PKNOX2: variants seen among roughly 807,000 people sequenced by gnomAD.
The protein encoded by PKNOX2 is PBX/knotted 1 homeobox 2, also known as homeobox protein PKNOX2.
PKNOX2 carries 14 observed loss-of-function variants against 53.1 expected under a neutral mutation model. The ratio of observed to expected loss-of-function variants is 0.26; its 90% CI spans 0.17 to 0.41. The LOEUF (loss-of-function observed/expected upper bound fraction) is 0.41. Ranked by LOEUF, PKNOX2 falls within the 10% of genes least tolerant of loss-of-function variation. The probability of loss-of-function intolerance (pLI) is 1.00; values close to 1 mark genes in which losing one functional copy is unlikely to be tolerated. For synonymous variants in PKNOX2, 257 were observed against 242.8 expected (o/e 1.06, Z -0.54); for missense variants, 496 against 602.8 (o/e 0.82, Z 1.85).
At chr11:125,388,361 G>A (rs1286318550) in intron 6 of PKNOX2, among the ~76,000 whole-genome samples, 1 of 152,090 alleles carries the variant, frequency 6.6e-6, no homozygotes, top group Non-Finnish European at 1.5e-5. Flanking sequence ...CCCCGCACAC[G>A]TAGCCCAACG....
At chr11:125,379,194 G>A (rs1382336232) in intron 5 of PKNOX2, among the ~76,000 whole-genome samples, 2 of 151,862 alleles carry the variant, frequency 1.3e-5, no homozygotes, top group Admixed American at 1.3e-4. Flanking sequence ...CCGAGTAGCT[G>A]GGATTAAAGG....
chr11:125,327,591 G>C (rs1949901564), intron 2 of PKNOX2, among the ~76,000 whole-genome samples: 1 of 152,116 alleles, frequency 6.6e-6, no homozygotes, highest in Non-Finnish European at 1.5e-5. Flanking sequence ...ATCTAGAAAG[G>C]GGCACACAGC....
intron 6 of PKNOX2, among the ~76,000 whole-genome samples, chr11:125,387,274 G>T (rs1565513190): frequency 6.6e-6 from 1 of 152,208 alleles, no homozygotes; most frequent in East Asian, 1.9e-4. Flanking sequence ...GGACCTGGGG[G>T]GTGGGGCCCA....
At chr11:125,168,398 A>T (rs564870116) in intron 1 of PKNOX2, among the ~76,000 whole-genome samples, 1 of 152,272 alleles carries the variant, frequency 6.6e-6, no homozygotes, top group South Asian at 2.1e-4. Flanking sequence ...GGTTTCATTA[A>T]CTCTACACCA....
chr11:125,309,006 A>G (rs538022856), intron 2 of PKNOX2, among the ~76,000 whole-genome samples: 12 of 152,096 alleles, frequency 7.9e-5, no homozygotes, highest in Non-Finnish European at 1.6e-4. Flanking sequence ...ACTCCATATT[A>G]CCAATGTTCC....
intron 2 of PKNOX2, among the ~76,000 whole-genome samples, chr11:125,323,616 A>G (rs1949653992): frequency 6.6e-6 from 1 of 152,240 alleles, no homozygotes; most frequent in African/African-American, 2.4e-5. Context: ...AATTTCTTCA[A>G]TGTCATGCTT....
At chr11:125,426,716 G>T (rs1956446813) in intron 10 of PKNOX2, among the ~76,000 whole-genome samples, 1 of 152,124 alleles carries the variant, frequency 6.6e-6, no homozygotes. Flanking sequence ...TGGCCTCTTT[G>T]CCTGTCTGCA....
intron 2 of PKNOX2, among the ~76,000 whole-genome samples, chr11:125,326,068 C>A (rs1298870941): frequency 6.6e-6 from 1 of 152,164 alleles, no homozygotes; most frequent in Non-Finnish European, 1.5e-5. Context: ...TTTCCATGAT[C>A]TCCATGGGTA....
chr11:125,412,576 C>T (rs534445007), intron 10 of PKNOX2, among the ~76,000 whole-genome samples: 4 of 152,300 alleles, frequency 2.6e-5, no homozygotes, highest in Admixed American at 6.5e-5. Flanking sequence ...AATCTCCCAA[C>T]ACCACTTTCA....
chr11:125,179,403 G>C (rs1039575637), intron 1 of PKNOX2, among the ~76,000 whole-genome samples: 2 of 152,336 alleles, frequency 1.3e-5, no homozygotes, highest in Admixed American at 1.3e-4. Context: ...GAGCAGGGCA[G>C]GGCCTCCCTG....
At chr11:125,286,768 C>A (rs1448744495) in intron 2 of PKNOX2, among the ~76,000 whole-genome samples, 1 of 152,260 alleles carries the variant, frequency 6.6e-6, no homozygotes. Flanking sequence ...CTGGGAGGGA[C>A]ATCTGCAGCC....
chr11:125,428,909 G>A (rs1020443763), intron 10 of PKNOX2, 103 bp from the exon 11 acceptor site: 26 of 1,267,616 alleles, frequency 2.1e-5, no homozygotes, highest in Admixed American at 5.8e-5. Context: ...CAAACCACTC[G>A]GGCTGCCTGG....
chr11:125,312,535 G>A (rs1264144979), intron 2 of PKNOX2, among the ~76,000 whole-genome samples: 1 of 152,192 alleles, frequency 6.6e-6, no homozygotes, highest in Admixed American at 6.5e-5. Context: ...TCCATAAGGT[G>A]GTGTGTGGTG....
At chr11:125,384,743 T>A (rs2135374433) in intron 5 of PKNOX2, among the ~76,000 whole-genome samples, 1 of 152,280 alleles carries the variant, frequency 6.6e-6, no homozygotes, top group East Asian at 1.9e-4. Flanking sequence ...CACATCTAGA[T>A]GTCATAGAAC....
At chr11:125,202,303 C>G (rs991698940) in intron 1 of PKNOX2, among the ~76,000 whole-genome samples, 7 of 152,184 alleles carry the variant, frequency 4.6e-5, no homozygotes, top group Non-Finnish European at 8.8e-5. Flanking sequence ...TGCCCTGCCC[C>G]CTGCACCCCT....
Position 125,431,638 on chromosome 11 carries a change from C to T in PKNOX2, c.*246C>T, listed in dbSNP as rs1159594861. Reference sequence around the variant, plus strand: ...ACTCTGTTTGGCGGGGCCAGTCGAGCAGCCTGTGTGGAAAGACAGGAGTGA... The same window carrying T: ...ACTCTGTTTGGCGGGGCCAGTCGAGTAGCCTGTGTGGAAAGACAGGAGTGA... On this transcript the variant is annotated 3_prime_UTR_variant, in exon 13 of 13. Transcript: ENST00000298282. 7 of 530,150 alleles carry T rather than the reference C, an allele frequency of 1.3e-5. No individual in the cohort carries two copies. Among genetic ancestry groups the T allele is most frequent in the Non-Finnish European group, 2.4e-5 (7 of 294,786 alleles). The allele number at this position is 530,150 out of a possible 1,614,324, so 32.8% of individuals were successfully genotyped here.
At chr11:125,263,387 A>C (rs1455765138) in intron 2 of PKNOX2, among the ~76,000 whole-genome samples, 2 of 152,004 alleles carry the variant, frequency 1.3e-5, no homozygotes, top group Non-Finnish European at 2.9e-5. Context: ...TGGCGGGCCT[A>C]GTTTAGGCAA....
intron 2 of PKNOX2, among the ~76,000 whole-genome samples, chr11:125,304,809 A>G (rs1948319416): frequency 6.6e-6 from 1 of 152,180 alleles, no homozygotes; most frequent in Admixed American, 6.5e-5. Context: ...ACTATGTGCC[A>G]ATTACTGTCC....
At chr11:125,413,968 C>G (rs1955723375) in intron 10 of PKNOX2, among the ~76,000 whole-genome samples, 1 of 152,160 alleles carries the variant, frequency 6.6e-6, no homozygotes, top group Non-Finnish European at 1.5e-5. Flanking sequence ...TTTCCACTCC[C>G]CACTTGCAAC....
Sources: allele counts gnomAD v4.1 joint callset (sites outside exome capture counted in the v4.1 genomes callset), GRCh38; gene constraint gnomAD v4.1.1; transcripts MANE v1.5; gene names NCBI Gene and HGNC (gene_info 2026-07-23, HGNC 2026-07-21).